DMD: variants seen among roughly 807,000 people sequenced by gnomAD.
DMD encodes mutant dystrophin.
Under a neutral mutation model 330.1 loss-of-function variants are expected in DMD, and 63 were observed. The ratio of observed to expected loss-of-function variants is 0.19; its 90% CI spans 0.16 to 0.24. The LOEUF is 0.24. Among genes scored for constraint, DMD ranks in the 10% least tolerant of loss-of-function variants. The pLI, the probability that DMD is intolerant of heterozygous loss-of-function variation, is 1.00. For missense variants in DMD, 3,344 were observed against 2,684.1 expected (o/e 1.25, Z -5.43); for synonymous variants, 1,223 against 959.8 (o/e 1.27, Z -5.07).
At chrX:32,107,113 C>A (rs775398960) in intron 44 of DMD, among the ~76,000 whole-genome samples, 10 of 110,615 alleles carry the variant, frequency 9.0e-5, no homozygotes, top group South Asian at 3.8e-4. Context: ...GTACCACGTT[C>A]CTCAGTATGT....
chrX:32,491,324 T>A lies in DMD; in HGVS notation c.2575A>T (p.Thr859Ser), dbSNP rs187926894. 145 of 1,209,203 alleles carry A rather than the reference T, an allele frequency of 1.2e-4. No individual in the cohort carries two copies. Among genetic ancestry groups the A allele is most frequent in the Non-Finnish European group, 1.5e-4 (130 of 894,819 alleles). Residue 859 changes from threonine to serine, a missense_variant, in exon 20 of 79, where the codon ACC becomes TCC. Coordinates refer to ENST00000357033, the MANE Select transcript of DMD (RefSeq NM_004006.3). The part of the protein sequence containing the change: ...AENWLKIQPT[T>S]PSEPTAIKSQ... Reference sequence around the variant, plus strand: ...TTAATTGCTGTTGGCTCTGATGGGGTGGTGGGTTGGATTTTCAACCAGTTT... The same window carrying A: ...TTAATTGCTGTTGGCTCTGATGGGGAGGTGGGTTGGATTTTCAACCAGTTT...
chrX:33,275,877 T>C (rs747754503), intron 1 of DMD, among the ~76,000 whole-genome samples: 1 of 111,935 alleles, frequency 8.9e-6, no homozygotes, highest in Non-Finnish European at 1.9e-5. Context: ...TGCATGCATC[T>C]CTGTGTATGT....
intron 7 of DMD, among the ~76,000 whole-genome samples, chrX:32,734,641 T>A (rs2068182124): frequency 9.3e-6 from 1 of 107,549 alleles, no homozygotes; most frequent in South Asian, 4.1e-4. Context: ...ATCCAGCATA[T>A]AAACAGAGCC....
chrX:32,769,089 G>A (rs1478230464), intron 7 of DMD, among the ~76,000 whole-genome samples: 1 of 112,234 alleles, frequency 8.9e-6, no homozygotes, highest in East Asian at 2.8e-4. Flanking sequence ...TGTGAAGAAG[G>A]TAGAGCCACA....
chrX:32,042,152 T>C (rs376100555), intron 44 of DMD, among the ~76,000 whole-genome samples: 5 of 62,778 alleles, frequency 8.0e-5, no homozygotes, highest in Non-Finnish European at 1.5e-4. Flanking sequence ...CATATATACA[T>C]ACATATACAC....
chrX:32,196,987 A>G (rs1325325277), intron 44 of DMD, among the ~76,000 whole-genome samples: 7 of 15,395 alleles, frequency 4.5e-4, no homozygotes, highest in African/African-American at 1.7e-3. Flanking sequence ...ACTCCATCTC[A>G]AAAAAAAAAA....
intron 1 of DMD, among the ~76,000 whole-genome samples, chrX:33,120,878 CAAAAAAAAAAAAAAAAA>C (rs1171070469): frequency 8.2e-5 from 3 of 36,691 alleles, no homozygotes; most frequent in Non-Finnish European, 1.3e-4. Flanking sequence ...ATGACTCTCT[CAAAAAAAAAAAAAAAAA>C]AAAAAAAAAA....
intron 62 of DMD, among the ~76,000 whole-genome samples, chrX:31,320,535 C>T (rs939850616): frequency 8.9e-6 from 1 of 111,792 alleles, no homozygotes; most frequent in Non-Finnish European, 1.9e-5. Context: ...TCACTGTAAA[C>T]GTATTTTTGT....
At chrX:31,481,795 C>T (rs887890449) in intron 57 of DMD, among the ~76,000 whole-genome samples, 1 of 111,226 alleles carries the variant, frequency 9.0e-6, no homozygotes, top group Non-Finnish European at 1.9e-5. Flanking sequence ...GAGTGGGTAT[C>T]TTTCTAGGTA....
chrX:31,401,073 G>A (rs902443492), intron 60 of DMD, among the ~76,000 whole-genome samples: 6 of 111,604 alleles, frequency 5.4e-5, no homozygotes, highest in Non-Finnish European at 9.4e-5. Context: ...AACTGACAGG[G>A]ATTTTATAGG....
chrX:32,865,116 T>TATG (rs1226422083), intron 2 of DMD, among the ~76,000 whole-genome samples: 1 of 111,827 alleles, frequency 8.9e-6, no homozygotes, highest in Non-Finnish European at 1.9e-5. Context: ...AGCACTTGGC[T>TATG]TATTTTCCTT....
chrX:31,219,752 G>T (rs59922494), intron 64 of DMD, among the ~76,000 whole-genome samples: 15,067 of 108,153 alleles, frequency 0.14, 777 homozygotes, highest in East Asian at 0.29. Flanking sequence ...AATACTATAT[G>T]TTTGGCCTGC....
Position 32,333,694 on chromosome X carries a change from T to C in DMD, c.5922+8406A>G, listed in dbSNP as rs184467025. Reference sequence around the variant, plus strand: ...CACTACAGATAATGCCTCTTCTCCATTGTGGGTAGGATTTATTTATTCCCC... The same window carrying C: ...CACTACAGATAATGCCTCTTCTCCACTGTGGGTAGGATTTATTTATTCCCC... On this transcript the variant is annotated intron_variant, in intron 41 of 78. Coordinates refer to ENST00000357033, the MANE Select transcript of DMD (RefSeq NM_004006.3). Among the ~76,000 whole-genome samples, 745 of 111,417 alleles carry C rather than the reference T, an allele frequency of 6.7e-3. 10 individuals carry two copies. Among genetic ancestry groups the C allele is most frequent in the African/African-American group, 0.024 (726 of 30,730 alleles).
At chrX:32,826,669 A>T (rs1319964428) in intron 4 of DMD, among the ~76,000 whole-genome samples, 1 of 111,625 alleles carries the variant, frequency 9.0e-6, no homozygotes, top group Admixed American at 9.6e-5. Context: ...AATTGAGAGT[A>T]AAATGTTGGT....
intron 55 of DMD, among the ~76,000 whole-genome samples, chrX:31,571,254 G>GTGT (rs2075798338): frequency 0.019 from 1,733 of 90,441 alleles, 44 homozygotes; most frequent in African/African-American, 0.069. Context: ...GATTTAAAGG[G>GTGT]GTGTGTGTGT....
intron 44 of DMD, among the ~76,000 whole-genome samples, chrX:32,098,295 C>CA (rs1199322017): frequency 9.0e-6 from 1 of 111,020 alleles, no homozygotes; most frequent in Non-Finnish European, 1.9e-5. Context: ...TAATTTCTGG[C>CA]AAAAAATTAA....
intron 62 of DMD, among the ~76,000 whole-genome samples, chrX:31,273,536 G>A (rs916685690): frequency 8.9e-6 from 1 of 111,999 alleles, no homozygotes; most frequent in Non-Finnish European, 1.9e-5. Context: ...TAATACTCTA[G>A]ACTTGCTTCT....
At chrX:32,482,765 T>C (rs1487816316) in intron 21 of DMD, among the ~76,000 whole-genome samples, 1 of 111,412 alleles carries the variant, frequency 9.0e-6, no homozygotes, top group African/African-American at 3.2e-5. Flanking sequence ...TAGTTATGCA[T>C]AGAGTAAAAA....
intron 47 of DMD, among the ~76,000 whole-genome samples, chrX:31,895,413 C>T (rs2094317873): frequency 8.9e-6 from 1 of 111,770 alleles, no homozygotes; most frequent in South Asian, 3.7e-4. Flanking sequence ...GCAATCGATA[C>T]TTTTCAGTAT....
Sources: gnomAD v4.1 joint callset for allele counts (sites outside exome capture counted in the v4.1 genomes callset) on GRCh38, gnomAD v4.1.1 for gene constraint, MANE v1.5 for transcripts, NCBI Gene and HGNC (gene_info 2026-07-23, HGNC 2026-07-21) for gene names.